The following CHL1 variants were observed in gnomAD, a reference collection of about 807,000 sequenced individuals.
CHL1 encodes neural cell adhesion molecule L1-like protein.
Under a neutral mutation model 141.9 loss-of-function variants are expected in CHL1, and 96 were observed. That is an observed-to-expected ratio of 0.68 (90% CI 0.57 to 0.80). CHL1 has a LOEUF of 0.80. Among genes scored for constraint, CHL1 ranks in the 30% least tolerant of loss-of-function variants. The pLI is 0.00. For synonymous variants in CHL1, 613 were observed against 502.2 expected, an observed-to-expected ratio of 1.22 and a Z score of -2.95; for missense variants, 1,820 against 1,457.2, an observed-to-expected ratio of 1.25 and a Z score of -4.05.
intron 24 of CHL1, among the ~76,000 whole-genome samples, chr3:397,900 A>C (rs922022029): frequency 3.3e-5 from 5 of 152,176 alleles, no homozygotes; most frequent in African/African-American, 1.2e-4. Context: ...TCAGTTTCGC[A>C]TTAGGTTTGC....
intron 2 of CHL1, among the ~76,000 whole-genome samples, chr3:268,469 A>AG (rs1695352255): frequency 6.6e-6 from 1 of 152,148 alleles, no homozygotes; most frequent in Admixed American, 6.5e-5. Context: ...TGGGAGGCAG[A>AG]GGCTGCAGTG....
Position 350,860 on chromosome 3 carries a change from A to C in CHL1, c.1033+1317A>C, listed in dbSNP as rs527570849. Among the ~76,000 whole-genome samples, 4 of 152,308 alleles carry C rather than the reference A, an allele frequency of 2.6e-5. No homozygotes were observed. In the South Asian group the frequency reaches 8.3e-4, roughly 32 times the overall value. ...ACAGTGATATATTCCTTTGACATTA[A>C]ATTATTCACAAAGAAATTCAAGGAA... On this transcript the variant is annotated intron_variant, in intron 10 of 27. Coordinates refer to ENST00000256509, the MANE Select transcript of CHL1 (RefSeq NM_006614.4).
intron 1 of CHL1, among the ~76,000 whole-genome samples, chr3:219,413 G>T (rs1700627330): frequency 1.3e-5 from 2 of 152,068 alleles, no homozygotes; most frequent in African/African-American, 2.4e-5. Flanking sequence ...CAATAGCAAA[G>T]ACATAAAATC....
intron 1 of CHL1, among the ~76,000 whole-genome samples, chr3:218,917 C>T (rs941186754): frequency 2.0e-5 from 3 of 152,076 alleles, no homozygotes; most frequent in Non-Finnish European, 4.4e-5. Flanking sequence ...GAGGCCAAGA[C>T]GGGCGGATCA....
chr3:356,982 T>C (rs1703777396), intron 11 of CHL1, among the ~76,000 whole-genome samples: 1 of 152,180 alleles, frequency 6.6e-6, no homozygotes, highest in Admixed American at 6.5e-5. Flanking sequence ...TGATACTAGG[T>C]AGGAGGCCAT....
chr3:257,765 T>C (rs1694314510), intron 2 of CHL1, among the ~76,000 whole-genome samples: 1 of 152,210 alleles, frequency 6.6e-6, no homozygotes. Context: ...GTAGTGTTGA[T>C]TTCCTGTTTA....
chr3:368,313 CATT>C (rs566160936), intron 15 of CHL1, among the ~76,000 whole-genome samples: 12 of 152,216 alleles, frequency 7.9e-5, no homozygotes, highest in African/African-American at 2.9e-4. Context: ...GATGGTATCT[CATT>C]GTGGTTTTCA....
intron 2 of CHL1, among the ~76,000 whole-genome samples, chr3:307,780 C>A (rs2124954149): frequency 6.6e-6 from 1 of 152,106 alleles, no homozygotes; most frequent in East Asian, 1.9e-4. Context: ...ACCAGTGCTG[C>A]TACATTTGAC....
intron 14 of CHL1, among the ~76,000 whole-genome samples, chr3:364,614 G>T (rs1246137171): frequency 2.0e-5 from 3 of 151,986 alleles, no homozygotes; most frequent in Non-Finnish European, 4.4e-5. Flanking sequence ...TATACGAATC[G>T]TATCAATGGA....
chr3:265,303 T>G (rs1695058988), intron 2 of CHL1, among the ~76,000 whole-genome samples: 1 of 152,230 alleles, frequency 6.6e-6, no homozygotes, highest in Non-Finnish European at 1.5e-5. Context: ...TAGGTTTTTA[T>G]ATGATTAAAT....
intron 2 of CHL1, among the ~76,000 whole-genome samples, chr3:266,168 T>A (rs983783813): frequency 6.6e-6 from 1 of 152,156 alleles, no homozygotes; most frequent in Non-Finnish European, 1.5e-5. Context: ...TGGTAACTTA[T>A]TCAGGACTTG....
At chr3:264,260 T>C (rs1694979803) in intron 2 of CHL1, among the ~76,000 whole-genome samples, 1 of 151,996 alleles carries the variant, frequency 6.6e-6, no homozygotes, top group Non-Finnish European at 1.5e-5. Flanking sequence ...ATATTGTTCA[T>C]AACCCCTGCC....
chr3:333,630 A>G (rs1172382835), intron 5 of CHL1, among the ~76,000 whole-genome samples: 3 of 152,192 alleles, frequency 2.0e-5, no homozygotes, highest in Admixed American at 6.5e-5. Flanking sequence ...TTATTCAACA[A>G]TCTTCCTGAA....
At chr3:315,431 G>A (rs1256871650) in intron 2 of CHL1, among the ~76,000 whole-genome samples, 2 of 152,094 alleles carry the variant, frequency 1.3e-5, no homozygotes, top group Non-Finnish European at 2.9e-5. Flanking sequence ...CAAAGACTTA[G>A]CCATCTCTCT....
intron 2 of CHL1, 98 bp from the exon 3 acceptor site, chr3:319,585 C>T: frequency 2.1e-6 from 1 of 487,620 alleles, no homozygotes; most frequent in Non-Finnish European, 3.5e-6. Flanking sequence ...AAACATACTG[C>T]CAAACCAAAA....
intron 19 of CHL1, among the ~76,000 whole-genome samples, 196 bp downstream of exon 19, chr3:384,082 A>G (rs1707379915): frequency 6.6e-6 from 1 of 152,198 alleles, no homozygotes; most frequent in South Asian, 2.1e-4. Context: ...CGAGTTTAAC[A>G]CTGGTCAACA....
intron 3 of CHL1, among the ~76,000 whole-genome samples, chr3:323,266 A>G (rs962119463): frequency 5.3e-5 from 8 of 152,100 alleles, no homozygotes; most frequent in South Asian, 2.1e-4. Context: ...AAACATTAGA[A>G]TTGTGGAGGA....
At position 391,089 on chromosome 3, in the gene CHL1, A is replaced by T; in HGVS notation, c.2721A>T (p.Thr907=). The part of the protein sequence containing the change: ...SLDAFSEFHL[T]VLAYNSKGAG... ...ATGCCTTTAGTGAATTTCATTTAAC[A>T]GTCTTAGCCTATAACTCTAAAGGAG... is the stretch of plus-strand genomic sequence containing the variant. The change falls in exon 22 of 28, where the codon ACA becomes ACT. Residue 907 remains threonine, a synonymous_variant. Transcript: ENST00000256509. The T allele has an allele frequency of 6.2e-7, 1 of 1,614,026 alleles. No homozygotes were observed. The highest frequency in any genetic ancestry group is 8.5e-7 in the Non-Finnish European group (1 of 1,179,856).
intron 19 of CHL1, chr3:384,674 C>G (rs1477306768): frequency 6.6e-6 from 1 of 152,076 alleles, no homozygotes; most frequent in Admixed American, 6.6e-5. Flanking sequence ...ATTGGCCTAC[C>G]TAAAAGGAAA....
Sources: gnomAD v4.1 joint callset for allele counts (sites outside exome capture counted in the v4.1 genomes callset) on GRCh38, gnomAD v4.1.1 for gene constraint, MANE v1.5 for transcripts, NCBI Gene and HGNC (gene_info 2026-07-23, HGNC 2026-07-21) for gene names.